Variants in GCNT4 observed in about 807,000 individuals in gnomAD.
GCNT4 encodes the protein beta-1,3-galactosyl-O-glycosyl-glycoprotein beta-1,6-N-acetylglucosaminyltransferase 4.
A neutral mutation model predicts 31.3 loss-of-function variants in GCNT4; 17 were observed. The ratio of observed to expected loss-of-function variants is 0.54; its 90% CI spans 0.37 to 0.81. GCNT4 has a LOEUF of 0.81. GCNT4 is among the 40% of genes least tolerant of loss of function. GCNT4 has a pLI of 0.00. For missense variants in GCNT4, 503 were observed against 525.5 expected (o/e 0.96, Z 0.42); for synonymous variants, 158 against 190.6 (o/e 0.83, Z 1.41).
chr5:75,052,471 G>C lies in GCNT4; in HGVS notation c.-244C>G, dbSNP rs888205667. The C allele has an allele frequency of 6.6e-6, 1 of 152,126 alleles. No individual in the cohort carries two copies. Among genetic ancestry groups the C allele is most frequent in the Non-Finnish European group, 1.5e-5 (1 of 68,058 alleles). The allele number at this position is 152,126 out of a possible 1,614,324, so 9.4% of individuals were successfully genotyped here. A position where few individuals can be genotyped will look rare whatever the true frequency, so the allele number is the denominator to read the frequency against. On this transcript the variant is annotated 5_prime_UTR_variant, in exon 1 of 4. Coordinates refer to ENST00000652361, the MANE Select transcript of GCNT4 (RefSeq NM_001366737.1). ...GTGAAGACTGCAAATGGACTCGAGC[G>C]TCCCGTTTCTCGGCTCGGATCCCAG... is the stretch of plus-strand genomic sequence containing the variant.
intron 2 of GCNT4, among the ~76,000 whole-genome samples, chr5:75,051,668 T>C (rs1743571507): frequency 6.6e-6 from 1 of 152,232 alleles, no homozygotes; most frequent in African/African-American, 2.4e-5. Context: ...CCTGCTTATC[T>C]TGAAGGCACT....
upstream of GCNT4, chr5:75,052,591 G>A (rs1743600113): frequency 6.6e-6 from 1 of 152,240 alleles, no homozygotes. Flanking sequence ...AAAAAGCCCA[G>A]AAACTGGTCT....
At position 75,029,702 on chromosome 5, in the gene GCNT4, A is replaced by G. The variant is rs1743020389; in HGVS notation, c.336T>C (p.Ile112=). The change falls in exon 4 of 4, where the codon ATT becomes ATC. Residue 112 remains isoleucine, a synonymous_variant. Transcript: ENST00000652361. ...GAGCATAACCTCTTAGAGTCTGATA[A>G]ATGTCACAATCACTGGTCATTGCCA... The part of the protein sequence containing the change: ...DVVAMTSDCD[I]YQTLRGYAQK... The G allele has an allele frequency of 6.2e-7, 1 of 1,614,124 alleles. No homozygotes were observed.
In GCNT4 at chr5:75,027,813, A is replaced by T. The variant is rs2149949612; in HGVS notation, c.*863T>A. On this transcript the variant is annotated 3_prime_UTR_variant, in exon 4 of 4. Coordinates refer to ENST00000652361, the MANE Select transcript of GCNT4 (RefSeq NM_001366737.1). ...ACTTATCTAGAATGATAACTTATGA[A>T]TTGAGGACTTAGGCTTAATGTTCTG... The T allele has an allele frequency of 6.6e-6, 1 of 150,712 alleles. No homozygotes were observed. The highest frequency in any genetic ancestry group is 2.5e-5 in the African/African-American group (1 of 39,946). The allele number at this position is 150,712 out of a possible 1,614,324, so 9.3% of individuals were successfully genotyped here.
downstream of GCNT4, among the ~76,000 whole-genome samples, chr5:75,023,526 A>G (rs1742905650): frequency 6.6e-6 from 1 of 152,030 alleles, no homozygotes; most frequent in South Asian, 2.1e-4. Context: ...ATGACAGCAA[A>G]AAAAAAAAGT....
intron 3 of GCNT4, among the ~76,000 whole-genome samples, chr5:75,043,403 T>TA (rs1561377545): frequency 6.6e-6 from 1 of 152,224 alleles, no homozygotes; most frequent in Non-Finnish European, 1.5e-5. Context: ...GAACCCTATA[T>TA]TGTTGGTGGT....
intron 3 of GCNT4, among the ~76,000 whole-genome samples, chr5:75,039,996 ACT>A (rs1023461548): frequency 2.0e-5 from 3 of 151,964 alleles, no homozygotes; most frequent in African/African-American, 7.3e-5. Context: ...ATCTTATTCT[ACT>A]CTGTCTTTCT....
At chr5:75,046,354 C>T (rs1743437691) in intron 3 of GCNT4, among the ~76,000 whole-genome samples, 1 of 152,028 alleles carries the variant, frequency 6.6e-6, no homozygotes, top group Non-Finnish European at 1.5e-5. Flanking sequence ...ACAAATATTG[C>T]AAATATGCTG....
In GCNT4 at chr5:75,027,345, T is replaced by A. The variant is rs1023361960; in HGVS notation, c.*1331A>T. On this transcript the variant is annotated 3_prime_UTR_variant, in exon 4 of 4. Coordinates refer to ENST00000652361, the MANE Select transcript of GCNT4 (RefSeq NM_001366737.1). ...AATATATATTCATATACAATATATG[T>A]ATATATAATATATATATTTATATAT... 1.3e-4 allele frequency: 2 copies of A among 15,866 alleles called. No homozygotes were observed. The highest frequency in any genetic ancestry group is 9.0e-4 in the African/African-American group (2 of 2,222). The allele number at this position is 15,866 out of a possible 1,614,324, so 1.0% of individuals were successfully genotyped here. A position where few individuals can be genotyped will look rare whatever the true frequency, so the allele number is the denominator to read the frequency against.
Position 75,026,647 on chromosome 5 carries a change from C to CAAAAAAAAAAAAA in GCNT4, c.*2016_*2028dup, listed in dbSNP as rs547466422. ...CATATACTATTTCAATCGATTCTCACAAAAAAAAAAAAAAAAAAAAAAAAA... is the reference window on the plus strand; with the variant it reads ...CATATACTATTTCAATCGATTCTCACAAAAAAAAAAAAAAAAAAAAAAAAAAAAAAAAAAAAAA... On this transcript the variant is annotated 3_prime_UTR_variant, in exon 4 of 4. Transcript: ENST00000652361. The CAAAAAAAAAAAAA allele has an allele frequency of 1.5e-5, 1 of 65,804 alleles. No homozygotes were observed. Among genetic ancestry groups the CAAAAAAAAAAAAA allele is most frequent in the African/African-American group, 5.2e-5 (1 of 19,176 alleles). 4.1% of individuals were successfully genotyped at this position (65,804 alleles called of 1,614,324 possible). A position where few individuals can be genotyped will look rare whatever the true frequency, so the allele number is the denominator to read the frequency against.
chr5:75,022,232 C>T (rs190205088), downstream of GCNT4, among the ~76,000 whole-genome samples: 448 of 152,166 alleles, frequency 2.9e-3, 3 homozygotes, highest in Non-Finnish European at 3.8e-3. Flanking sequence ...GGCAGCCATG[C>T]GGTTGAAAAC....
chr5:75,051,592 C>T (rs1286729153), intron 2 of GCNT4, among the ~76,000 whole-genome samples: 4 of 152,178 alleles, frequency 2.6e-5, no homozygotes, highest in Non-Finnish European at 5.9e-5. Context: ...CTCTCTCTCC[C>T]TCTCCCTTCC....
chr5:75,043,713 A>G (rs1743371756), intron 3 of GCNT4, among the ~76,000 whole-genome samples: 1 of 152,208 alleles, frequency 6.6e-6, no homozygotes, highest in Non-Finnish European at 1.5e-5. Context: ...TTCCTGTTAC[A>G]TGAGAAAAGT....
chr5:75,019,298 C>G, the GCNT4 span, among the ~76,000 whole-genome samples: 1 of 152,238 alleles, frequency 6.6e-6, no homozygotes, highest in Admixed American at 6.5e-5. Flanking sequence ...CACACCAGAT[C>G]TGCCAGCACC....
At chr5:75,031,128 G>A (rs987728434) in intron 3 of GCNT4, among the ~76,000 whole-genome samples, 3 of 151,160 alleles carry the variant, frequency 2.0e-5, no homozygotes, top group African/African-American at 7.3e-5. Flanking sequence ...AGGCCAGAGT[G>A]CAGTGGTACA....
chr5:75,031,169 G>C (rs1743053826), intron 3 of GCNT4, among the ~76,000 whole-genome samples: 1 of 151,724 alleles, frequency 6.6e-6, no homozygotes, highest in Non-Finnish European at 1.5e-5. Flanking sequence ...TGAACTCCTG[G>C]GCTCAAGCGA....
At chr5:75,017,510 G>A in the GCNT4 span, 2 of 152,200 alleles carry the variant, frequency 1.3e-5, no homozygotes, top group Non-Finnish European at 2.9e-5. Context: ...TTCAGAGTGA[G>A]GTTTGTCCTG....
chr5:75,031,036 T>C (rs1425719381), intron 3 of GCNT4: 1 of 161,370 alleles, frequency 6.2e-6, no homozygotes, highest in Non-Finnish European at 1.5e-5. Flanking sequence ...TATGCTTACA[T>C]GTCTATACAT....
chr5:75,038,912 G>C (rs976547356), intron 3 of GCNT4, among the ~76,000 whole-genome samples: 2 of 152,078 alleles, frequency 1.3e-5, no homozygotes, highest in African/African-American at 4.8e-5. Flanking sequence ...GGTCCCTTAC[G>C]GTGGCATTTG....
Sources: allele counts gnomAD v4.1 joint callset (sites outside exome capture counted in the v4.1 genomes callset), GRCh38; gene constraint gnomAD v4.1.1; transcripts MANE v1.5; gene names NCBI Gene and HGNC (gene_info 2026-07-23, HGNC 2026-07-21).